Variants in ATG10 observed in about 807,000 individuals in gnomAD.
ATG10 encodes autophagy related 10.
A neutral mutation model predicts 32.1 loss-of-function variants in ATG10; 30 were observed. The ratio of observed to expected loss-of-function variants is 0.94; its 90% CI spans 0.70 to 1.27. The LOEUF (loss-of-function observed/expected upper bound fraction) is 1.27. Among genes scored for constraint, ATG10 ranks in the 50% most tolerant of loss-of-function variants. The probability of loss-of-function intolerance (pLI) is 0.00; values close to 1 mark genes in which losing one functional copy is unlikely to be tolerated. For missense variants in ATG10, 233 were observed against 262.3 expected (o/e 0.89, Z 0.77); for synonymous variants, 87 against 91.5 (o/e 0.95, Z 0.28).
chr5:81,976,004 TC>T (rs1760862586), intron 1 of ATG10, among the ~76,000 whole-genome samples: 1 of 148,112 alleles, frequency 6.8e-6, no homozygotes, highest in Non-Finnish European at 1.5e-5. Flanking sequence ...ATTTATTTTA[TC>T]TTTTTTTTTT....
intron 5 of ATG10, among the ~76,000 whole-genome samples, chr5:82,222,490 C>A (rs775623681): frequency 2.6e-5 from 4 of 152,174 alleles, no homozygotes; most frequent in Non-Finnish European, 5.9e-5. Flanking sequence ...TATTAATGAT[C>A]TTGTCTCAAA....
At chr5:82,168,175 A>C (rs953119551) in intron 4 of ATG10, among the ~76,000 whole-genome samples, 1 of 151,838 alleles carries the variant, frequency 6.6e-6, no homozygotes, top group Non-Finnish European at 1.5e-5. Flanking sequence ...TTATTCCCTG[A>C]CCTTTTTATG....
intron 3 of ATG10, among the ~76,000 whole-genome samples, chr5:82,091,570 G>A (rs934098163): frequency 2.6e-5 from 4 of 151,992 alleles, no homozygotes; most frequent in Non-Finnish European, 4.4e-5. Context: ...TGCTTTTTTG[G>A]TAGCGAGATC....
chr5:82,000,836 C>T (rs1303587590), intron 2 of ATG10, among the ~76,000 whole-genome samples: 3 of 151,994 alleles, frequency 2.0e-5, no homozygotes, highest in East Asian at 3.9e-4. Context: ...TTTGTATTTT[C>T]AGTAGAGATG....
chr5:82,150,474 T>C (rs1767548865), intron 3 of ATG10, among the ~76,000 whole-genome samples: 1 of 152,234 alleles, frequency 6.6e-6, no homozygotes, highest in African/African-American at 2.4e-5. Flanking sequence ...AAGCTTCTTT[T>C]ATTTTCTTCT....
chr5:82,191,808 T>C (rs1210172011), intron 5 of ATG10, among the ~76,000 whole-genome samples: 1 of 152,186 alleles, frequency 6.6e-6, no homozygotes, highest in African/African-American at 2.4e-5. Context: ...ACACAAACTA[T>C]TGCAGCCCTA....
At chr5:82,217,347 T>C (rs1745729835) in intron 5 of ATG10, among the ~76,000 whole-genome samples, 1 of 152,160 alleles carries the variant, frequency 6.6e-6, no homozygotes, top group Admixed American at 6.5e-5. Context: ...TGTTAAGCAT[T>C]TGTTATTTAC....
At chr5:82,011,521 A>T (rs1004194301) in intron 2 of ATG10, among the ~76,000 whole-genome samples, 2 of 152,170 alleles carry the variant, frequency 1.3e-5, no homozygotes, top group African/African-American at 4.8e-5. Flanking sequence ...ATTATTCAGG[A>T]TATAGTTCAG....
intron 3 of ATG10, among the ~76,000 whole-genome samples, chr5:82,105,357 A>G (rs1765413814): frequency 6.6e-6 from 1 of 152,096 alleles, no homozygotes; most frequent in African/African-American, 2.4e-5. Context: ...CAGCTAATTT[A>G]CAGCTCTGAA....
intron 2 of ATG10, among the ~76,000 whole-genome samples, chr5:82,036,439 CAAAAATTA>C (rs1762925256): frequency 6.6e-6 from 1 of 151,872 alleles, no homozygotes. Context: ...ACTAAAAATA[CAAAAATTA>C]GCCGGGCATA....
At chr5:82,161,007 C>T (rs1333410073) in intron 3 of ATG10, among the ~76,000 whole-genome samples, 3 of 152,116 alleles carry the variant, frequency 2.0e-5, no homozygotes, top group Non-Finnish European at 4.4e-5. Context: ...ATGAGTAAGA[C>T]AAGAACCTTA....
rs528284827 is a variant in ATG10, at chr5:82,005,316, A to C, written c.108+17638A>C. Among the ~76,000 whole-genome samples the C allele has an allele frequency of 2.6e-5, 4 of 152,146 alleles. No homozygotes were observed. The South Asian group carries it at 8.3e-4, about 32-fold the overall frequency. ...GTTTTCTTTTGTTTTGTTTTTTGAG[A>C]TAGAGTCTCACTCTTTCGCCGAGGC... On this transcript the variant is annotated intron_variant, in intron 2 of 7. Transcript: ENST00000282185.
intron 5 of ATG10, among the ~76,000 whole-genome samples, chr5:82,183,577 G>A (rs1475021996): frequency 6.6e-6 from 1 of 151,926 alleles, no homozygotes; most frequent in African/African-American, 2.4e-5. Flanking sequence ...CCTCTTTTTT[G>A]TGATGTTAGC....
intron 3 of ATG10, among the ~76,000 whole-genome samples, chr5:82,130,965 TG>T (rs2149841424): frequency 6.6e-6 from 1 of 152,254 alleles, no homozygotes; most frequent in Non-Finnish European, 1.5e-5. Flanking sequence ...AGCAAATTAA[TG>T]CAGGAACAGA....
chr5:82,152,850 TA>T (rs201784635), intron 3 of ATG10, among the ~76,000 whole-genome samples: 6 of 152,146 alleles, frequency 3.9e-5, no homozygotes, highest in Admixed American at 3.9e-4. Context: ...AGTGTCATGA[TA>T]AAAAAAGTTT....
chr5:82,179,429 G>A (rs1744151650), intron 5 of ATG10, among the ~76,000 whole-genome samples: 1 of 152,076 alleles, frequency 6.6e-6, no homozygotes, highest in Non-Finnish European at 1.5e-5. Flanking sequence ...AATCTATACT[G>A]TTTTACAGTT....
intron 1 of ATG10, among the ~76,000 whole-genome samples, chr5:81,976,553 A>G (rs1212929603): frequency 1.3e-5 from 2 of 152,222 alleles, no homozygotes; most frequent in East Asian, 1.9e-4. Context: ...GAAACCATCA[A>G]CTAACCTCTA....
chr5:82,004,942 A>G (rs1055443019), intron 2 of ATG10, among the ~76,000 whole-genome samples: 2 of 152,258 alleles, frequency 1.3e-5, no homozygotes, highest in African/African-American at 4.8e-5. Context: ...CTAGATTAAA[A>G]GAAATTCAAG....
chr5:82,068,459 G>A (rs1764012420), intron 3 of ATG10, among the ~76,000 whole-genome samples: 1 of 151,924 alleles, frequency 6.6e-6, no homozygotes, highest in South Asian at 2.1e-4. Context: ...ATGACAGGTT[G>A]ATGGGTGCAG....
Sources: allele counts gnomAD v4.1 joint callset (sites outside exome capture counted in the v4.1 genomes callset), GRCh38; gene constraint gnomAD v4.1.1; transcripts MANE v1.5; gene names NCBI Gene and HGNC (gene_info 2026-07-23, HGNC 2026-07-21).